MYO16: variants seen among roughly 807,000 people sequenced by gnomAD.
MYO16 encodes myosin XVI, also known as unconventional myosin-XVI.
Under a neutral mutation model 205.3 loss-of-function variants are expected in MYO16, and 94 were observed. That is an observed-to-expected ratio of 0.46 (90% CI 0.39 to 0.54). The LOEUF (loss-of-function observed/expected upper bound fraction) is 0.54, where lower values mean the gene tolerates loss of function less well. Ranked by LOEUF, MYO16 falls within the 20% of genes least tolerant of loss-of-function variation. The probability of loss-of-function intolerance (pLI) is 0.00; values close to 1 mark genes in which losing one functional copy is unlikely to be tolerated. For synonymous variants in MYO16, 988 were observed against 954.0 expected (o/e 1.04, Z -0.66); for missense variants, 2,315 against 2,387.5 (o/e 0.97, Z 0.63).
chr13:108,572,573 G>A, the MYO16 span, among the ~76,000 whole-genome samples: 3 of 152,142 alleles, frequency 2.0e-5, no homozygotes, highest in Non-Finnish European at 4.4e-5. Flanking sequence ...AGTCTAGGAA[G>A]ACAGTGCGTT....
At chr13:108,592,570 G>T (rs1036815029), upstream of MYO16, among the ~76,000 whole-genome samples, 1 of 148,598 alleles carries the variant, frequency 6.7e-6, no homozygotes, top group African/African-American at 2.5e-5. Context: ...GGAGTGAGGT[G>T]GAGGCTGTGG....
intron 33 of MYO16, among the ~76,000 whole-genome samples, chr13:109,169,259 G>A (rs529899538): frequency 3.3e-5 from 5 of 152,126 alleles, no homozygotes; most frequent in Admixed American, 6.5e-5. Flanking sequence ...AATACGATGA[G>A]TGTTAAAAGG....
chr13:109,173,838 A>C (rs2139899331), intron 33 of MYO16, among the ~76,000 whole-genome samples: 1 of 135,790 alleles, frequency 7.4e-6, no homozygotes, highest in African/African-American at 2.7e-5. Context: ...CAGTGAGCCG[A>C]GATCGCGCCA....
chr13:108,813,543 A>C (rs963480), intron 7 of MYO16, among the ~76,000 whole-genome samples: 88,327 of 152,010 alleles, frequency 0.58, 28,470 homozygotes, highest in Non-Finnish European at 0.73. Flanking sequence ...CACTCTCAAG[A>C]AATTAATCTT....
chr13:108,961,628 CG>C lies in MYO16; in HGVS notation c.2128del (p.Val710PhefsTer25). On this transcript the variant is annotated frameshift_variant, in exon 18 of 35. Coordinates refer to ENST00000457511, the MANE Select transcript of MYO16 (RefSeq NM_001198950.3). LOFTEE classifies it high-confidence loss of function. ...TALNEGNSAF[V>X]SDLQLLEQVA... is the part of the protein sequence containing the mutation. ...CCCTGAATGAGGGGAACTCCGCCTTCGTTTCTGACCTCCAGCTCCTGGAACA... is the reference window on the plus strand; with the variant it reads ...CCCTGAATGAGGGGAACTCCGCCTTCTTTCTGACCTCCAGCTCCTGGAACA... The C allele has an allele frequency of 6.2e-7, 1 of 1,613,954 alleles. No individual in the cohort carries two copies. The highest frequency in any genetic ancestry group is 8.5e-7 in the Non-Finnish European group (1 of 1,179,836).
chr13:108,862,215 G>A (rs112734101), intron 11 of MYO16, among the ~76,000 whole-genome samples: 4 of 152,210 alleles, frequency 2.6e-5, no homozygotes, highest in African/African-American at 9.6e-5. Flanking sequence ...AATCCTGAAA[G>A]AATAAAATTC....
upstream of MYO16, among the ~76,000 whole-genome samples, chr13:108,595,564 G>A (rs1042231556): frequency 2.0e-5 from 3 of 152,066 alleles, no homozygotes; most frequent in Admixed American, 6.5e-5. Context: ...CCAGGCAGTC[G>A]CTCCCCTGCA....
chr13:108,740,953 C>T (rs956927648), intron 4 of MYO16, among the ~76,000 whole-genome samples: 3 of 152,162 alleles, frequency 2.0e-5, no homozygotes, highest in African/African-American at 7.2e-5. Context: ...ATATAATCTC[C>T]TGGTGTGCCG....
At chr13:108,739,822 GC>G (rs1284482615) in intron 4 of MYO16, among the ~76,000 whole-genome samples, 2 of 152,110 alleles carry the variant, frequency 1.3e-5, no homozygotes, top group African/African-American at 4.8e-5. Flanking sequence ...TTTCTTGGAG[GC>G]TTTGTTCATT....
At chr13:109,085,646 A>G (rs1051818848) in intron 27 of MYO16, among the ~76,000 whole-genome samples, 2 of 152,184 alleles carry the variant, frequency 1.3e-5, no homozygotes, top group African/African-American at 4.8e-5. Context: ...TTCCTAAATG[A>G]TAGTTTTAAC....
intron 1 of MYO16, among the ~76,000 whole-genome samples, chr13:108,606,318 T>A (rs2139308384): frequency 6.6e-6 from 1 of 152,314 alleles, no homozygotes; most frequent in East Asian, 1.9e-4. Flanking sequence ...TCTCAGCCGT[T>A]CTCATTATAG....
intron 27 of MYO16, among the ~76,000 whole-genome samples, chr13:109,056,594 C>T (rs922852636): frequency 3.9e-5 from 6 of 151,994 alleles, no homozygotes; most frequent in African/African-American, 9.7e-5. Context: ...TAAATGCATA[C>T]GCAAATAATG....
chr13:108,718,461 A>T (rs1315840686), intron 3 of MYO16, among the ~76,000 whole-genome samples: 1 of 151,472 alleles, frequency 6.6e-6, no homozygotes, highest in African/African-American at 2.4e-5. Context: ...ACATCCTCCA[A>T]GGACCTCACA....
chr13:108,785,735 A>T lies in MYO16; in HGVS notation c.608A>T (p.Asp203Val). The T allele has an allele frequency of 1.3e-6, 2 of 1,598,856 alleles. No individual in the cohort carries two copies. The highest frequency in any genetic ancestry group is 8.5e-7 in the Non-Finnish European group (1 of 1,172,118). Residue 203 changes from aspartate to valine, a missense_variant, in exon 5 of 35, where the codon GAT (aspartate) becomes GTT (valine). Asp to Val is a radical substitution (Grantham distance 152). Coordinates refer to ENST00000457511, the MANE Select transcript of MYO16 (RefSeq NM_001198950.3). ...ESSSILLTYLDENGVDLTSLR... is the reference protein window; with the variant it reads ...ESSSILLTYLVENGVDLTSLR... ...AGCTCTATCCTGTTGACCTATCTGG[A>T]TGAAAATGGTAGGCAAAAACTTTTA...
At chr13:108,523,161 A>G in the MYO16 span, among the ~76,000 whole-genome samples, 2 of 152,144 alleles carry the variant, frequency 1.3e-5, no homozygotes, top group African/African-American at 4.8e-5. Context: ...CTTGATGCAA[A>G]TCAGGGTTCC....
chr13:108,915,086 T>A (rs1881433201), intron 16 of MYO16, among the ~76,000 whole-genome samples: 1 of 152,252 alleles, frequency 6.6e-6, no homozygotes, highest in Admixed American at 6.5e-5. Flanking sequence ...CTTTCCTGTT[T>A]GTAACATAGG....
intron 33 of MYO16, among the ~76,000 whole-genome samples, chr13:109,165,689 T>G (rs536674044): frequency 6.6e-6 from 1 of 152,310 alleles, no homozygotes; most frequent in African/African-American, 2.4e-5. Flanking sequence ...GGGAAGCAGT[T>G]GAAGACCTGG....
At chr13:108,702,013 G>A (rs1201049273) in intron 2 of MYO16, among the ~76,000 whole-genome samples, 1 of 141,862 alleles carries the variant, frequency 7.0e-6, no homozygotes, top group East Asian at 2.0e-4. Flanking sequence ...GTCTGAGGTA[G>A]AGAAGAAAAA....
chr13:108,896,397 G>A (rs1236891801), intron 14 of MYO16, among the ~76,000 whole-genome samples: 5 of 151,958 alleles, frequency 3.3e-5, no homozygotes, highest in Admixed American at 3.3e-4. Context: ...AGAAAACATT[G>A]CTATCATCAC....
Sources: gnomAD v4.1 joint callset for allele counts (sites outside exome capture counted in the v4.1 genomes callset) on GRCh38, gnomAD v4.1.1 for gene constraint, MANE v1.5 for transcripts, NCBI Gene and HGNC (gene_info 2026-07-23, HGNC 2026-07-21) for gene names.